Variants in CDC42BPG observed in about 807,000 individuals in gnomAD.
The protein encoded by CDC42BPG is CDC42 binding protein kinase gamma.
A neutral mutation model predicts 192.2 loss-of-function variants in CDC42BPG; 157 were observed. The observed-to-expected ratio is 0.82, with a 90% CI of 0.72 to 0.93. The LOEUF is 0.93. Ranked by LOEUF, CDC42BPG falls within the 40% of genes least tolerant of loss-of-function variation. The pLI is 0.00. For synonymous variants in CDC42BPG, 981 were observed against 918.5 expected, an observed-to-expected ratio of 1.07 and a Z score of -1.23; for missense variants, 1,992 against 2,122.1, an observed-to-expected ratio of 0.94 and a Z score of 1.20.
chr11:64,839,248 G>T lies in CDC42BPG; in HGVS notation c.676-15C>A. On this transcript the variant is annotated splice_polypyrimidine_tract_variant and intron_variant, in intron 6 of 36. Coordinates refer to ENST00000342711, the MANE Select transcript of CDC42BPG (RefSeq NM_017525.3). ...GATGAATCCACCTGTGGGTGGTGGT[G>T]GTGAAGCCATGAGGACAGCTTTGGG... is the stretch of plus-strand genomic sequence containing the variant. 6.2e-7 allele frequency: 1 copy of T among 1,612,826 alleles called. No individual in the cohort carries two copies. Among genetic ancestry groups the T allele is most frequent in the Non-Finnish European group, 8.5e-7 (1 of 1,179,890 alleles).
Position 64,824,080 on chromosome 11 carries a change from A to G in CDC42BPG, c.*393T>C. 1 of 256,232 alleles carries G rather than the reference A, an allele frequency of 3.9e-6. No individual in the cohort carries two copies. The highest frequency in any genetic ancestry group is 4.3e-5 in the South Asian group (1 of 23,456). The allele number at this position is 256,232 out of a possible 1,614,324, so 15.9% of individuals were successfully genotyped here. A position where few individuals can be genotyped will look rare whatever the true frequency, so the allele number is the denominator to read the frequency against. The stretch of plus-strand genomic sequence containing the variant: ...CCCATCTTGGCCTCAGCTGGGAGTC[A>G]GACAGTCCACAGATAAGACCTCCAA... On this transcript the variant is annotated 3_prime_UTR_variant, in exon 37 of 37. Coordinates refer to ENST00000342711, the MANE Select transcript of CDC42BPG (RefSeq NM_017525.3).
chr11:64,835,016 T>G, intron 17 of CDC42BPG, 31 bp downstream of exon 17: 4 of 1,607,800 alleles, frequency 2.5e-6, no homozygotes, highest in Non-Finnish European at 3.4e-6. Flanking sequence ...CTCGCCTGCG[T>G]TCCCCACCCC....
In CDC42BPG at chr11:64,833,322, C is replaced by A. The variant is rs370688500; in HGVS notation, c.2640G>T (p.Thr880=). 6.5e-7 allele frequency: 1 copy of A among 1,526,920 alleles called. No homozygotes were observed. Among genetic ancestry groups the A allele is most frequent in the Non-Finnish European group, 8.8e-7 (1 of 1,134,754 alleles). The allele number at this position is 1,526,920 out of a possible 1,614,324, so 94.6% of individuals were successfully genotyped here. The change falls in exon 24 of 37, where the codon ACG becomes ACT. Residue 880 remains threonine, a synonymous_variant. Coordinates refer to ENST00000342711, the MANE Select transcript of CDC42BPG (RefSeq NM_017525.3). ...EGLPAKPGSH[T]LRPRSFPSPT... is the part of the protein sequence containing the mutation. ...GGGATGGGAAGCTCCGGGGGCGCAG[C>A]GTGTGTGAGCCGGGCTGGGGAGGGG... is the stretch of plus-strand genomic sequence containing the variant.
intron 16 of CDC42BPG, 76 bp from the exon 17 acceptor site, chr11:64,835,229 G>T: frequency 6.2e-7 from 1 of 1,602,452 alleles, no homozygotes. Flanking sequence ...AGGTACCCCA[G>T]CACCCCGAGC....
At chr11:64,840,975 T>TC (rs1462927176) in intron 3 of CDC42BPG, among the ~76,000 whole-genome samples, 4 of 148,392 alleles carry the variant, frequency 2.7e-5, no homozygotes, top group Non-Finnish European at 6.0e-5. Flanking sequence ...GTGGTGAAAC[T>TC]CCATCTCTAC....
chr11:64,831,582 C>T lies in CDC42BPG; in HGVS notation c.3227G>A (p.Arg1076Gln), dbSNP rs776608191. Residue 1076 changes from arginine (R) to glutamine (Q), a missense_variant, in exon 28 of 37, where the codon CGG becomes CAG. Around this residue, in one of 2 missense-constraint regions of CDC42BPG, gnomAD observed 1,656 missense variants for 1,844.3 expected, o/e 0.90. Coordinates refer to ENST00000342711, the MANE Select transcript of CDC42BPG (RefSeq NM_017525.3). ...RLLLDARPRPRPVYTLKEAYD... is the reference protein window; with the variant it reads ...RLLLDARPRPQPVYTLKEAYD... Reference sequence around the variant, plus strand: ...AGCCTCCTTGAGTGTGTACACGGGCCGGGGTCTTGGCCGCGCGTCCAGCAG... The same window carrying T: ...AGCCTCCTTGAGTGTGTACACGGGCTGGGGTCTTGGCCGCGCGTCCAGCAG... 1.2e-5 allele frequency: 20 copies of T among 1,612,524 alleles called. No individual in the cohort carries two copies. In the South Asian group the frequency reaches 1.3e-4, roughly 11 times the overall value.
At chr11:64,844,135 C>T (rs1202616441) in intron 1 of CDC42BPG, among the ~76,000 whole-genome samples, 4 of 151,984 alleles carry the variant, frequency 2.6e-5, no homozygotes, top group Non-Finnish European at 4.4e-5. Context: ...TGGGTACATG[C>T]GTCTGCGGTC....
chr11:64,833,169 T>C (rs1451398961), intron 24 of CDC42BPG, 62 bp downstream of exon 24: 1 of 1,361,174 alleles, frequency 7.3e-7, no homozygotes, highest in East Asian at 2.5e-5. Context: ...AGAAACAGCC[T>C]GGGTATGCCA....
rs1943104665 is a variant in CDC42BPG at position 64,838,130 on chromosome 11, G to A, written c.1158C>T (p.Phe386=). 1.9e-6 allele frequency: 3 copies of A among 1,553,920 alleles called. No homozygotes were observed. The highest frequency in any genetic ancestry group is 2.7e-5 in the African/African-American group (2 of 73,438). Residue 386 remains phenylalanine (F), a synonymous_variant, in exon 9 of 37, where the codon TTC becomes TTT. Coordinates refer to ENST00000342711, the MANE Select transcript of CDC42BPG (RefSeq NM_017525.3). The part of the protein sequence containing the change: ...GTLPPPSHGA[F]SGHHLPFVGF... The stretch of plus-strand genomic sequence containing the variant: ...CCACGAATGGCAGGTGATGGCCGGA[G>A]AAGGCCCCGTGGGAGGGCGGTGGCA...
rs992994849 is a variant in CDC42BPG, at chr11:64,823,211, C to T, written c.*1262G>A. Among the ~76,000 whole-genome samples the T allele has an allele frequency of 1.1e-4, 17 of 152,016 alleles. No individual in the cohort carries two copies. Among genetic ancestry groups the T allele is most frequent in the Middle Eastern group, 3.4e-3 (1 of 294 alleles). ...ACGCCATTCTCCTGCCTCAGCCTCC[C>T]GAGTAGCAGGGACTACAGGCACCCG... is the stretch of plus-strand genomic sequence containing the variant. On this transcript the variant is annotated 3_prime_UTR_variant, in exon 37 of 37. Transcript: ENST00000342711.
At chr11:64,830,874 C>CA (rs1411972360) in intron 28 of CDC42BPG, among the ~76,000 whole-genome samples, 1 of 152,234 alleles carries the variant, frequency 6.6e-6, no homozygotes, top group African/African-American at 2.4e-5. Context: ...CCCAGTCCCC[C>CA]AGCTTGTAGT....
chr11:64,837,494 T>C (rs769626052), intron 9 of CDC42BPG, among the ~76,000 whole-genome samples: 60 of 152,280 alleles, frequency 3.9e-4, no homozygotes, highest in Non-Finnish European at 7.4e-4. Flanking sequence ...ACAGAGTCGC[T>C]CTGTCACCCA....
At position 64,827,601 on chromosome 11, in the gene CDC42BPG, A is replaced by G; in HGVS notation, c.4076T>C (p.Leu1359Pro). 6.2e-7 allele frequency: 1 copy of G among 1,609,806 alleles called. No individual in the cohort carries two copies. Among genetic ancestry groups the G allele is most frequent in the Non-Finnish European group, 8.5e-7 (1 of 1,177,128 alleles). ...GAGGAACAGGGAGCCCTCTGGATTG[A>G]GGGGCCGCACCTGAGGCAGCAGGCA... ...QTVPLKKVRPLNPEGSLFLYG... is the reference protein window; with the variant it reads ...QTVPLKKVRPPNPEGSLFLYG... The change falls in exon 32 of 37, where the codon CTC becomes CCC. Residue 1359 changes from leucine to proline, a missense_variant. Physicochemically the swap from Leu to Pro is moderately conservative, Grantham distance 98 (BLOSUM62 -3). Transcript: ENST00000342711.
chr11:64,829,712 G>A lies in CDC42BPG; in HGVS notation c.3726C>T (p.Ala1242=), dbSNP rs1942593165. The A allele has an allele frequency of 5.0e-6, 8 of 1,610,312 alleles. No homozygotes were observed. Among genetic ancestry groups the A allele is most frequent in the African/African-American group, 1.3e-5 (1 of 74,904 alleles). Residue 1242 remains alanine, a synonymous_variant, in exon 30 of 37, where the codon GCC becomes GCT. Coordinates refer to ENST00000342711, the MANE Select transcript of CDC42BPG (RefSeq NM_017525.3). ...GCGGGTAGAGTGCAAAGCCACCGGC[G>A]GCGCCCACACATAGCCGGTCGCCCA... ...GLLGDRLCVG[A]AGGFALYPLL...
chr11:64,830,534 C>T (rs1942636490), intron 28 of CDC42BPG: 1 of 544,796 alleles, frequency 1.8e-6, no homozygotes, highest in Non-Finnish European at 3.3e-6. Flanking sequence ...AACGATGGTA[C>T]TTCCTCACAG....
rs1237867568 is a variant in CDC42BPG at position 64,823,771 on chromosome 11, C to T, written c.*702G>A. ...ACAGTGTCAGCCCCGCCCACTGCAC[C>T]CCTCCCCAGAGAAAGGACCCTTTGT... is the stretch of plus-strand genomic sequence containing the variant. On this transcript the variant is annotated 3_prime_UTR_variant, in exon 37 of 37. Coordinates refer to ENST00000342711, the MANE Select transcript of CDC42BPG (RefSeq NM_017525.3). 6.5e-6 allele frequency: 1 copy of T among 153,134 alleles called. No individual in the cohort carries two copies. Among genetic ancestry groups the T allele is most frequent in the African/African-American group, 2.4e-5 (1 of 41,402 alleles). The allele number at this position is 153,134 out of a possible 1,614,324, so 9.5% of individuals were successfully genotyped here.
At position 64,834,551 on chromosome 11, in the gene CDC42BPG, C is replaced by T. The variant is rs757191093; in HGVS notation, c.2202G>A (p.Leu734=). The change falls in exon 19 of 37, where the codon CTG becomes CTA. Residue 734 remains leucine (L), a synonymous_variant. Coordinates refer to ENST00000342711, the MANE Select transcript of CDC42BPG (RefSeq NM_017525.3). ...PLDHQWKARR[L]QKMEASARLE... ...GCCTGGCCGAGGCCTCCATCTTCTGCAGTCGCCGCGCCTTCCACTGGTGGT... is the reference window on the plus strand; with the variant it reads ...GCCTGGCCGAGGCCTCCATCTTCTGTAGTCGCCGCGCCTTCCACTGGTGGT... 19 of 1,581,752 alleles carry T rather than the reference C, an allele frequency of 1.2e-5. No individual in the cohort carries two copies. Among genetic ancestry groups the T allele is most frequent in the South Asian group, 1.1e-4 (10 of 87,950 alleles).
chr11:64,832,250 G>A (rs1009433209), intron 27 of CDC42BPG, among the ~76,000 whole-genome samples, 178 bp downstream of exon 27: 9 of 152,226 alleles, frequency 5.9e-5, no homozygotes, highest in Non-Finnish European at 1.0e-4. Flanking sequence ...CCCCGCAGAC[G>A]ATGGGAAGCC....
chr11:64,837,538 G>A (rs762037330), intron 9 of CDC42BPG, among the ~76,000 whole-genome samples: 1 of 152,234 alleles, frequency 6.6e-6, no homozygotes, highest in Non-Finnish European at 1.5e-5. Flanking sequence ...TCAGCTCACT[G>A]CAACCTCCGC....
Sources: gnomAD v4.1 joint callset for allele counts (sites outside exome capture counted in the v4.1 genomes callset) on GRCh38, gnomAD v4.1.1 for gene constraint, gnomAD v4.1.1 regional missense constraint, MANE v1.5 for transcripts, NCBI Gene and HGNC (gene_info 2026-07-23, HGNC 2026-07-21) for gene names.